EMSY: variants seen among roughly 807,000 people sequenced by gnomAD.
The protein encoded by EMSY is BRCA2-interacting transcriptional repressor EMSY.
Under a neutral mutation model 134.6 loss-of-function variants are expected in EMSY, and 26 were observed. The ratio of observed to expected loss-of-function variants is 0.19; its 90% CI spans 0.14 to 0.27. The LOEUF (loss-of-function observed/expected upper bound fraction) is 0.27, where lower values mean the gene tolerates loss of function less well. Ranked by LOEUF, EMSY falls within the 10% of genes least tolerant of loss-of-function variation. The pLI, the probability that EMSY is intolerant of heterozygous loss-of-function variation, is 1.00. For synonymous variants in EMSY, 579 were observed against 577.8 expected, an observed-to-expected ratio of 1.00 and a Z score of -0.03; for missense variants, 1,305 against 1,611.4, an observed-to-expected ratio of 0.81 and a Z score of 3.26.
At chr11:76,460,275 G>GC in intron 6 of EMSY, 190 bp downstream of exon 7, 13 of 558,038 alleles carry the variant, frequency 2.3e-5, no homozygotes, top group South Asian at 9.5e-5. Context: ...CAGTTCTGGG[G>GC]TTTCAGAAGT....
In EMSY at chr11:76,481,016, G is replaced by T. The variant is rs759133568; in HGVS notation, c.1108+8176G>T. On this transcript the variant is annotated intron_variant, in intron 8 of 20. Coordinates refer to ENST00000334736, the Ensembl canonical transcript of EMSY. ...CGTTTGGGCAGACACCGAGCTAGCTGCAGGAGGTCTTTTTGTTTTGTTTTG... is the reference window on the plus strand; with the variant it reads ...CGTTTGGGCAGACACCGAGCTAGCTTCAGGAGGTCTTTTTGTTTTGTTTTG... Among the ~76,000 whole-genome samples the T allele has an allele frequency of 2.9e-4, 44 of 152,136 alleles. 1 individual carries two copies. Among genetic ancestry groups the T allele is most frequent in the Admixed American group, 2.6e-3 (39 of 15,278 alleles).
chr11:76,478,766 T>G (rs1948863181), intron 8 of EMSY, among the ~76,000 whole-genome samples: 1 of 151,272 alleles, frequency 6.6e-6, no homozygotes, highest in Non-Finnish European at 1.5e-5. Flanking sequence ...CAGAGCTGTT[T>G]AATATTTTTA....
chr11:76,534,529 G>A (rs1010139842), intron 14 of EMSY, among the ~76,000 whole-genome samples: 1 of 151,922 alleles, frequency 6.6e-6, no homozygotes, highest in Non-Finnish European at 1.5e-5. Flanking sequence ...TATTGATTTT[G>A]TTTTTTTCAG....
Position 76,500,107 on chromosome 11 carries a change from A to G in EMSY, c.1363+3638A>G, listed in dbSNP as rs557202927. ...AAAAAAAAAAACCAAACCCAAAACAATAAAAAAAATACTTATGTCGCCTAT... is the reference window on the plus strand; with the variant it reads ...AAAAAAAAAAACCAAACCCAAAACAGTAAAAAAAATACTTATGTCGCCTAT... On this transcript the variant is annotated intron_variant, in intron 9 of 20. Transcript: ENST00000334736. Among the ~76,000 whole-genome samples, 23 of 151,610 alleles carry G rather than the reference A, an allele frequency of 1.5e-4. No homozygotes were observed. In the South Asian group the frequency reaches 4.8e-3, roughly 31 times the overall value.
chr11:76,502,375 T>G (rs1204752142), intron 9 of EMSY, among the ~76,000 whole-genome samples: 1 of 145,496 alleles, frequency 6.9e-6, no homozygotes, highest in Admixed American at 6.9e-5. Flanking sequence ...TTTATATTAT[T>G]TTTTTTTAAA....
chr11:76,474,395 A>G (rs1403691575), intron 8 of EMSY, among the ~76,000 whole-genome samples: 1 of 152,178 alleles, frequency 6.6e-6, no homozygotes, highest in African/African-American at 2.4e-5. Flanking sequence ...TATGTGAATA[A>G]TATATAACTT....
intron 17 of EMSY, chr11:76,541,954 T>G: frequency 1.7e-6 from 1 of 599,372 alleles, no homozygotes; most frequent in Non-Finnish European, 3.0e-6. Flanking sequence ...TCACAGTGCT[T>G]CCGTATACAT....
intron 5 of EMSY, chr11:76,459,313 G>A (rs1171731559): frequency 6.6e-6 from 1 of 152,208 alleles, no homozygotes; most frequent in Admixed American, 6.5e-5. Flanking sequence ...TAGTGAAGAT[G>A]TATGGAAAGG....
chr11:76,483,706 A>G (rs1290388756), intron 8 of EMSY, among the ~76,000 whole-genome samples: 5 of 152,248 alleles, frequency 3.3e-5, no homozygotes, highest in African/African-American at 1.2e-4. Context: ...TAACTATCCT[A>G]AATATATATG....
chr11:76,508,946 G>A lies in EMSY; in HGVS notation c.1364-4440G>A, dbSNP rs147697703. 4.7e-3 allele frequency among the ~76,000 whole-genome samples: 709 copies of A among 152,182 alleles called. 4 individuals are homozygous for A. Among genetic ancestry groups the A allele is most frequent in the African/African-American group, 0.016 (664 of 41,524 alleles). On this transcript the variant is annotated intron_variant, in intron 9 of 20. Coordinates refer to ENST00000334736, the Ensembl canonical transcript of EMSY. The stretch of plus-strand genomic sequence containing the variant: ...TGGAAACAAGCAGGCCCAAGGAGAG[G>A]GAGAGAGATGGGAGAATGTCCAGTT...
At chr11:76,515,118 C>T (rs1950403640) in intron 10 of EMSY, among the ~76,000 whole-genome samples, 1 of 139,808 alleles carries the variant, frequency 7.2e-6, no homozygotes, top group East Asian at 2.1e-4. Context: ...CCAATATAAA[C>T]TAATTCTACT....
chr11:76,508,343 CTT>C (rs35428460), intron 9 of EMSY, among the ~76,000 whole-genome samples: 4 of 147,206 alleles, frequency 2.7e-5, no homozygotes, highest in African/African-American at 2.5e-5. Context: ...TGAAAGGAAT[CTT>C]TTTTTTTTTT....
chr11:76,522,920 A>G (rs1950698057), intron 11 of EMSY, among the ~76,000 whole-genome samples: 1 of 152,186 alleles, frequency 6.6e-6, no homozygotes, highest in Non-Finnish European at 1.5e-5. Context: ...AGTTTTGTGT[A>G]TAGGTTCTCA....
intron 8 of EMSY, among the ~76,000 whole-genome samples, chr11:76,482,875 A>G (rs901158520): frequency 2.6e-5 from 4 of 152,258 alleles, no homozygotes; most frequent in Non-Finnish European, 4.4e-5. Flanking sequence ...AGACAGGCCA[A>G]CATTCAAATT....
intron 9 of EMSY, among the ~76,000 whole-genome samples, chr11:76,507,542 A>G (rs895362337): frequency 2.6e-5 from 4 of 152,238 alleles, no homozygotes; most frequent in Admixed American, 2.6e-4. Context: ...TTTCATTAGA[A>G]GATTCCATCT....
At chr11:76,493,850 A>G (rs1452355442) in intron 8 of EMSY, among the ~76,000 whole-genome samples, 1 of 152,206 alleles carries the variant, frequency 6.6e-6, no homozygotes, top group African/African-American at 2.4e-5. Flanking sequence ...AAGAGCTGTA[A>G]CACAAACAGG....
intron 9 of EMSY, among the ~76,000 whole-genome samples, chr11:76,510,566 G>A (rs1328268217): frequency 1.3e-5 from 2 of 152,176 alleles, no homozygotes; most frequent in Non-Finnish European, 2.9e-5. Flanking sequence ...TGCCTCGCTT[G>A]GTGGTGGAGT....
At chr11:76,484,798 G>T (rs1356988671) in intron 8 of EMSY, among the ~76,000 whole-genome samples, 1 of 152,066 alleles carries the variant, frequency 6.6e-6, no homozygotes, top group Non-Finnish European at 1.5e-5. Context: ...GCCAGGCATG[G>T]TGGCACATGC....
chr11:76,528,359 C>A lies in EMSY; in HGVS notation c.2087C>A (p.Ser696Tyr), dbSNP rs984544392. 5 of 1,612,896 alleles carry A rather than the reference C, an allele frequency of 3.1e-6. No individual in the cohort carries two copies. The African/African-American group carries it at 6.7e-5, about 22-fold the overall frequency. The change falls in exon 14 of 21, where the codon TCC becomes TAC. Residue 696 changes from serine (S) to tyrosine (Y), a missense_variant. Physicochemically the swap from Ser to Tyr is moderately radical, Grantham distance 144. Transcript: ENST00000334736. ...GTAACAGAAACATTACAGCAAGCAT[C>A]CAGGGTAGCAGAGGCTGGTAATTCA...
Sources: gnomAD v4.1 joint callset for allele counts (sites outside exome capture counted in the v4.1 genomes callset) on GRCh38, gnomAD v4.1.1 for gene constraint, MANE v1.5 for transcripts, NCBI Gene and HGNC (gene_info 2026-07-23, HGNC 2026-07-21) for gene names.